The following SEC14L1 variants were observed in gnomAD, a reference collection of about 807,000 sequenced individuals.
SEC14L1 encodes the protein SEC14-like protein 1.
SEC14L1 carries 48 observed loss-of-function variants against 85.3 expected under a neutral mutation model. The ratio of observed to expected loss-of-function variants is 0.56; its 90% CI spans 0.45 to 0.72. The LOEUF is 0.72. Ranked by LOEUF, SEC14L1 falls within the 30% of genes least tolerant of loss-of-function variation. The probability of loss-of-function intolerance (pLI) is 0.00; values close to 1 mark genes in which losing one functional copy is unlikely to be tolerated. For synonymous variants in SEC14L1, 391 were observed against 355.5 expected, an observed-to-expected ratio of 1.10 and a Z score of -1.12; for missense variants, 682 against 921.4, an observed-to-expected ratio of 0.74 and a Z score of 3.36.
intron 3 of SEC14L1, chr17:77,185,368 G>C (rs1975221172): frequency 1.0e-6 from 1 of 985,328 alleles, no homozygotes; most frequent in African/African-American, 1.7e-5. Context: ...AATGCCATCT[G>C]GTTGGGCATG....
rs575296656 is a variant in SEC14L1, at chr17:77,090,194, A to T, written c.-240+923A>T. 373 of 152,248 alleles carry T rather than the reference A, an allele frequency of 2.4e-3. 2 individuals are homozygous for T. Among genetic ancestry groups the T allele is most frequent in the Non-Finnish European group, 4.5e-3 (310 of 68,400 alleles). 9.4% of individuals were successfully genotyped at this position (152,248 alleles called of 1,614,324 possible). ...ATATGCCTGTAATCCCAAGAGGCTG[A>T]GGCAGGAGAATCGCTTGAACCCGGG... On this transcript the variant is annotated intron_variant, in intron 2 of 19. Coordinates refer to the SEC14L1 transcript ENST00000392476.
intron 6 of SEC14L1, among the ~76,000 whole-genome samples, chr17:77,193,919 C>T (rs1172786594): frequency 6.6e-6 from 1 of 152,186 alleles, no homozygotes; most frequent in East Asian, 1.9e-4. Context: ...ATTGTCAGTT[C>T]TTCCACAGAA....
intron 9 of SEC14L1, among the ~76,000 whole-genome samples, 161 bp downstream of exon 9, chr17:77,200,834 T>TA (rs2143110871): frequency 6.6e-6 from 1 of 152,334 alleles, no homozygotes; most frequent in South Asian, 2.1e-4. Flanking sequence ...AACAGACTGA[T>TA]ACGTGTCACC....
At chr17:77,129,231 C>T (rs1972543847) in intron 3 of SEC14L1, among the ~76,000 whole-genome samples, 1 of 152,104 alleles carries the variant, frequency 6.6e-6, no homozygotes, top group African/African-American at 2.4e-5. Context: ...ATTTTCTTAT[C>T]CAAGCTTAAC....
intron 3 of SEC14L1, among the ~76,000 whole-genome samples, chr17:77,154,968 CCT>C (rs1284886799): frequency 6.6e-6 from 1 of 152,148 alleles, no homozygotes; most frequent in Non-Finnish European, 1.5e-5. Context: ...TGTTCCTTTT[CCT>C]CTGATTTTGC....
Position 77,164,162 on chromosome 17 carries a change from C to T in SEC14L1, c.63+20503C>T, listed in dbSNP as rs143637708. On this transcript the variant is annotated intron_variant, in intron 3 of 16. Coordinates refer to ENST00000436233, the MANE Select transcript of SEC14L1 (RefSeq NM_001143998.2). Reference sequence around the variant, plus strand: ...AGTGATTGCCCTGACCTGGCTGCCTCGCCTGCTGACAGCGGTGTGGGCTGA... The same window carrying T: ...AGTGATTGCCCTGACCTGGCTGCCTTGCCTGCTGACAGCGGTGTGGGCTGA... Among the ~76,000 whole-genome samples, 876 of 152,318 alleles carry T rather than the reference C, an allele frequency of 5.8e-3. 17 individuals are homozygous for T. Among genetic ancestry groups the T allele is most frequent in the Non-Finnish European group, 4.1e-3 (278 of 68,018 alleles).
At chr17:77,181,669 G>A (rs919820341) in intron 3 of SEC14L1, among the ~76,000 whole-genome samples, 1 of 152,308 alleles carries the variant, frequency 6.6e-6, no homozygotes, top group African/African-American at 2.4e-5. Context: ...ACCCACCTCA[G>A]CCTCCCAAAG....
intron 3 of SEC14L1, among the ~76,000 whole-genome samples, chr17:77,111,483 A>G (rs1250663739): frequency 6.6e-6 from 1 of 151,116 alleles, no homozygotes; most frequent in Non-Finnish European, 1.5e-5. Context: ...AAGGCCAGCC[A>G]GTGCAAGCAG....
In SEC14L1 at chr17:77,204,298, A is replaced by G. The variant is rs1467539254; in HGVS notation, c.1098+640A>G. 3.9e-5 allele frequency among the ~76,000 whole-genome samples: 6 copies of G among 151,920 alleles called. No homozygotes were observed. In the East Asian group the frequency reaches 1.2e-3, roughly 29 times the overall value. On this transcript the variant is annotated intron_variant, in intron 10 of 16. Transcript: ENST00000436233. ...AATGGTGTGATCTTGGCTCACTGCA[A>G]CCTCCACCTCCCAGGTTCGAGTGAT...
intron 3 of SEC14L1, among the ~76,000 whole-genome samples, chr17:77,115,126 A>G (rs544574684): frequency 6.6e-6 from 1 of 152,002 alleles, no homozygotes. Context: ...GCAGCTGTGT[A>G]TTTTGTTTAA....
Position 77,204,793 on chromosome 17 carries a change from C to T in SEC14L1, c.1099-483C>T, listed in dbSNP as rs573038182. Among the ~76,000 whole-genome samples, 20 of 152,242 alleles carry T rather than the reference C, an allele frequency of 1.3e-4. No individual in the cohort carries two copies. The East Asian group carries it at 1.7e-3, about 13-fold the overall frequency. The stretch of plus-strand genomic sequence containing the variant: ...GTGTTTATATATCCCCACATGCACA[C>T]GTTCACACATAAAGATAGGGATGGA... On this transcript the variant is annotated intron_variant, in intron 10 of 16. Transcript: ENST00000436233.
At chr17:77,212,256 T>G in intron 15 of SEC14L1, 55 bp downstream of exon 15, 1 of 1,596,310 alleles carries the variant, frequency 6.3e-7, no homozygotes. Context: ...GGCCAGGTGA[T>G]TCTGTCTTGA....
At chr17:77,170,794 A>T (rs1974493947) in intron 3 of SEC14L1, among the ~76,000 whole-genome samples, 2 of 152,196 alleles carry the variant, frequency 1.3e-5, no homozygotes, top group South Asian at 4.1e-4. Context: ...TTGGTGTATG[A>T]TATTCCCATT....
chr17:77,190,271 C>T (rs8071668), intron 3 of SEC14L1, among the ~76,000 whole-genome samples: 10,967 of 152,182 alleles, frequency 0.072, 487 homozygotes, highest in East Asian at 0.27. Flanking sequence ...GAAAATCAGT[C>T]GGTGTTCCCT....
intron 3 of SEC14L1, among the ~76,000 whole-genome samples, chr17:77,162,096 C>T (rs1201816668): frequency 3.3e-5 from 5 of 152,126 alleles, no homozygotes; most frequent in African/African-American, 4.8e-5. Context: ...GCCCAACGGG[C>T]AAGGGGGCGA....
At chr17:77,195,020 T>A in intron 7 of SEC14L1, 109 bp downstream of exon 7, 1 of 760,550 alleles carries the variant, frequency 1.3e-6, no homozygotes, top group Non-Finnish European at 2.2e-6. Context: ...ATTAGATAAC[T>A]CAGAAAGGAA....
intron 3 of SEC14L1, among the ~76,000 whole-genome samples, chr17:77,102,119 A>G (rs1041347912): frequency 6.6e-6 from 1 of 152,244 alleles, no homozygotes; most frequent in Non-Finnish European, 1.5e-5. Flanking sequence ...AAAGAAAACA[A>G]TTTTATGATT....
chr17:77,160,830 C>A (rs117476752), intron 3 of SEC14L1, among the ~76,000 whole-genome samples: 3,407 of 151,322 alleles, frequency 0.023, 76 homozygotes, highest in South Asian at 0.085. Flanking sequence ...TTTTTGTGGA[C>A]AACAAATAAT....
intron 3 of SEC14L1, chr17:77,181,232 C>G (rs1029015556): frequency 2.0e-5 from 3 of 152,424 alleles, no homozygotes; most frequent in Non-Finnish European, 4.4e-5. Flanking sequence ...TCTTCTCTCT[C>G]TGGGTTTCTC....
Sources: allele counts gnomAD v4.1 joint callset (sites outside exome capture counted in the v4.1 genomes callset), GRCh38; gene constraint gnomAD v4.1.1; transcripts MANE v1.5; gene names NCBI Gene and HGNC (gene_info 2026-07-23, HGNC 2026-07-21).